The following YIPF1 variants were observed in gnomAD, a reference collection of about 807,000 sequenced individuals.
YIPF1 encodes Yip1 domain family member 1, also known as protein YIPF1.
A neutral mutation model predicts 37.0 loss-of-function variants in YIPF1; 22 were observed. The ratio of observed to expected loss-of-function variants is 0.59; its 90% confidence interval spans 0.42 to 0.85. YIPF1 has a LOEUF of 0.85. Among genes scored for constraint, YIPF1 ranks in the 40% least tolerant of loss-of-function variants. The pLI is 0.00. For missense variants in YIPF1, 355 were observed against 373.1 expected (o/e 0.95, Z 0.40); for synonymous variants, 128 against 131.9 (o/e 0.97, Z 0.21).
chr1:53,882,548 C>T (rs942887672), intron 4 of YIPF1, among the ~76,000 whole-genome samples: 3 of 151,920 alleles, frequency 2.0e-5, no homozygotes, highest in Non-Finnish European at 2.9e-5. Context: ...ACCTCTACTC[C>T]CCAAGCTCAA....
chr1:53,883,205 C>T lies in YIPF1; in HGVS notation c.103G>A (p.Glu35Lys), dbSNP rs752096920. 1 of 1,598,316 alleles carries T rather than the reference C, an allele frequency of 6.3e-7. No homozygotes were observed. Among genetic ancestry groups the T allele is most frequent in the Non-Finnish European group, 8.5e-7 (1 of 1,173,408 alleles). The change falls in exon 4 of 11, where the codon GAA becomes AAA. Residue 35 changes from glutamate to lysine, a missense_variant. Physicochemically the swap from Glu to Lys is moderately conservative, Grantham distance 56. Coordinates refer to ENST00000072644, the MANE Select transcript of YIPF1 (RefSeq NM_018982.5). The stretch of plus-strand genomic sequence containing the variant: ...GATCCTGGCTGATGTTTTGGGGTTT[C>T]ACCAGGATCCTCAATGTTTACTGTG... Reference protein sequence around the residue: ...ATTVNIEDPGETPKHQPGSPR... With the variant: ...ATTVNIEDPGKTPKHQPGSPR...
rs1277899714 is a variant in YIPF1 at position 53,866,903 on chromosome 1, A to T, written c.503T>A (p.Ile168Asn). 6.2e-7 allele frequency: 1 copy of T among 1,613,150 alleles called. No homozygotes were observed. Among genetic ancestry groups the T allele is most frequent in the East Asian group, 2.2e-5 (1 of 44,904 alleles). Residue 168 changes from isoleucine to asparagine, a missense_variant, in exon 8 of 11, where the codon ATC becomes AAC. Ile to Asn is a moderately radical substitution (Grantham distance 149). Transcript: ENST00000072644. ...FRKVSIAATIIYAYAWLVPLA... is the reference protein window; with the variant it reads ...FRKVSIAATINYAYAWLVPLA... Reference sequence around the variant, plus strand: ...AGGAACCAGCCAGGCATAGGCATAGATGATGGTAGCTGCTATGGACACTGA... The same window carrying T: ...AGGAACCAGCCAGGCATAGGCATAGTTGATGGTAGCTGCTATGGACACTGA...
intron 4 of YIPF1, chr1:53,882,888 A>G: frequency 2.5e-6 from 1 of 397,078 alleles, no homozygotes; most frequent in Non-Finnish European, 4.4e-6. Context: ...CCCACATTCC[A>G]TAAGCTAGGA....
At chr1:53,865,858 T>C (rs904355262) in intron 9 of YIPF1, among the ~76,000 whole-genome samples, 3 of 152,062 alleles carry the variant, frequency 2.0e-5, no homozygotes, top group African/African-American at 7.2e-5. Flanking sequence ...TCTCAGCTCA[T>C]TGCAACCTCC....
intron 4 of YIPF1, among the ~76,000 whole-genome samples, chr1:53,879,980 C>A (rs1650446241): frequency 6.6e-6 from 1 of 152,144 alleles, no homozygotes; most frequent in African/African-American, 2.4e-5. Flanking sequence ...AAAACCAGCA[C>A]AAGACATGGA....
chr1:53,864,659 C>T (rs1649971080), intron 9 of YIPF1, among the ~76,000 whole-genome samples: 1 of 152,208 alleles, frequency 6.6e-6, no homozygotes. Context: ...AAGACACCTT[C>T]CCATGGCCAT....
chr1:53,860,924 T>C (rs956934108), intron 9 of YIPF1, among the ~76,000 whole-genome samples: 3 of 152,200 alleles, frequency 2.0e-5, no homozygotes, highest in African/African-American at 7.2e-5. Context: ...TGAATACTGG[T>C]TGTTCAAAGG....
chr1:53,856,435 A>T (rs1392343223), intron 10 of YIPF1, among the ~76,000 whole-genome samples: 4 of 152,322 alleles, frequency 2.6e-5, no homozygotes, highest in Non-Finnish European at 2.9e-5. Flanking sequence ...AACTGTTGCC[A>T]TTGTGTTCTC....
chr1:53,882,679 G>A (rs1340579972), intron 4 of YIPF1, among the ~76,000 whole-genome samples: 1 of 152,078 alleles, frequency 6.6e-6, no homozygotes, highest in Non-Finnish European at 1.5e-5. Flanking sequence ...GGCTGGTCTC[G>A]AACTCCTGGG....
intron 9 of YIPF1, among the ~76,000 whole-genome samples, chr1:53,863,867 G>A (rs1649949903): frequency 6.6e-6 from 1 of 152,106 alleles, no homozygotes; most frequent in African/African-American, 2.4e-5. Flanking sequence ...AGCCTCCCTG[G>A]TAGCTGAGAC....
chr1:53,863,125 C>G (rs1158876545), intron 9 of YIPF1, among the ~76,000 whole-genome samples: 1 of 152,212 alleles, frequency 6.6e-6, no homozygotes, highest in Non-Finnish European at 1.5e-5. Flanking sequence ...GACCTCCCTG[C>G]TCCACAGTCC....
At chr1:53,857,980 C>CTA (rs1649765710) in intron 10 of YIPF1, among the ~76,000 whole-genome samples, 1 of 97,016 alleles carries the variant, frequency 1.0e-5, no homozygotes, top group South Asian at 3.5e-4. Context: ...GACTCCACCT[C>CTA]AAAAAAAAAA....
At chr1:53,864,792 C>G in intron 9 of YIPF1, among the ~76,000 whole-genome samples, 1 of 152,106 alleles carries the variant, frequency 6.6e-6, no homozygotes. Flanking sequence ...AGACACAAAA[C>G]CATGTCTCCT....
intron 6 of YIPF1, among the ~76,000 whole-genome samples, chr1:53,877,615 C>G (rs1391935014): frequency 6.6e-6 from 1 of 152,114 alleles, no homozygotes; most frequent in Non-Finnish European, 1.5e-5. Context: ...CGGCCCAATC[C>G]TGTTTTAGAC....
At chr1:53,866,169 A>G in intron 9 of YIPF1, 31 bp downstream of exon 9, 1 of 1,601,686 alleles carries the variant, frequency 6.2e-7, no homozygotes, top group African/African-American at 1.3e-5. Flanking sequence ...GATATAAAAC[A>G]CACCAAAAGA....
chr1:53,881,748 T>C (rs1557610508), intron 4 of YIPF1, among the ~76,000 whole-genome samples: 1 of 152,194 alleles, frequency 6.6e-6, no homozygotes. Context: ...GGAATGCTTT[T>C]ACACTGTTGG....
intron 6 of YIPF1, 48 bp from the exon 7 acceptor site, chr1:53,871,536 C>A (rs774074879): frequency 7.1e-7 from 1 of 1,399,214 alleles, no homozygotes; most frequent in Non-Finnish European, 1.0e-6. Context: ...GAAGCATAAG[C>A]CTTTAGATTC....
chr1:53,869,160 T>TCTCACA (rs911930860), intron 7 of YIPF1, among the ~76,000 whole-genome samples: 1,926 of 137,986 alleles, frequency 0.014, 41 homozygotes, highest in African/African-American at 0.05. Context: ...TCTCTCTCTC[T>TCTCACA]CACACACACA....
At chr1:53,877,142 C>CCT (rs1367199594) in intron 6 of YIPF1, among the ~76,000 whole-genome samples, 1 of 152,130 alleles carries the variant, frequency 6.6e-6, no homozygotes, top group Non-Finnish European at 1.5e-5. Flanking sequence ...TGTGCCAAGG[C>CCT]CTCTGCCAGG....
Sources: gnomAD v4.1 joint callset for allele counts (sites outside exome capture counted in the v4.1 genomes callset) on GRCh38, gnomAD v4.1.1 for gene constraint, MANE v1.5 for transcripts, NCBI Gene and HGNC (gene_info 2026-07-23, HGNC 2026-07-21) for gene names.